GDA: variants seen among roughly 807,000 people sequenced by gnomAD.
GDA encodes guanine deaminase, also known as cytoplasmic PSD-95 interactor.
Under a neutral mutation model 59.6 loss-of-function variants are expected in GDA, and 18 were observed. That is an observed-to-expected ratio of 0.30 (90% CI 0.21 to 0.45). The LOEUF (loss-of-function observed/expected upper bound fraction) is 0.45. Ranked by LOEUF, GDA falls within the 20% of genes least tolerant of loss-of-function variation. The pLI, the probability that GDA is intolerant of heterozygous loss-of-function variation, is 1.00. For synonymous variants in GDA, 201 were observed against 201.1 expected, an observed-to-expected ratio of 1.00 and a Z score of 0.00; for missense variants, 427 against 552.3, an observed-to-expected ratio of 0.77 and a Z score of 2.27.
At chr9:72,148,211 C>CCATTCATT (rs1323121417), upstream of GDA, among the ~76,000 whole-genome samples, 1 of 152,084 alleles carries the variant, frequency 6.6e-6, no homozygotes, top group African/African-American at 2.4e-5. Context: ...GAAAAACCAT[C>CCATTCATT]CATTCATTTA....
intron 1 of GDA, among the ~76,000 whole-genome samples, chr9:72,133,099 G>A (rs1826081157): frequency 6.6e-6 from 1 of 151,548 alleles, no homozygotes; most frequent in South Asian, 2.1e-4. Flanking sequence ...GACCATCCCG[G>A]CCAACATCGT....
chr9:72,149,774 C>G (rs1587348554), intron 1 of GDA, 92 bp downstream of exon 1: 2 of 1,330,828 alleles, frequency 1.5e-6, no homozygotes, highest in Non-Finnish European at 1.0e-6. Flanking sequence ...GGGGTTCGCT[C>G]GGTGCGCAGT....
intron 5 of GDA, among the ~76,000 whole-genome samples, chr9:72,217,845 T>C (rs1836333674): frequency 6.6e-6 from 1 of 152,206 alleles, no homozygotes; most frequent in Admixed American, 6.5e-5. Flanking sequence ...TATTTTAAAA[T>C]GGCATTTCTA....
Position 72,153,010 on chromosome 9 carries a change from G to C in GDA, c.123+3328G>C, listed in dbSNP as rs535294633. Among the ~76,000 whole-genome samples, 288 of 152,204 alleles carry C rather than the reference G, an allele frequency of 1.9e-3. 2 individuals are homozygous for C. Among genetic ancestry groups the C allele is most frequent in the African/African-American group, 6.6e-3 (276 of 41,512 alleles). On this transcript the variant is annotated intron_variant, in intron 1 of 13. Coordinates refer to ENST00000358399, the MANE Select transcript of GDA (RefSeq NM_004293.5). ...ATCCAGTTTCAGCTTTCTACATATG[G>C]CTAGCCAGTTTTCCTAGCACCATTT...
At chr9:72,146,420 C>T (rs1826635202), upstream of GDA, among the ~76,000 whole-genome samples, 1 of 152,102 alleles carries the variant, frequency 6.6e-6, no homozygotes, top group Non-Finnish European at 1.5e-5. Flanking sequence ...CTCCAAACCT[C>T]TGTAGCCAGG....
chr9:72,237,270 C>T (rs1290765456), intron 10 of GDA, among the ~76,000 whole-genome samples: 1 of 152,178 alleles, frequency 6.6e-6, no homozygotes, highest in Non-Finnish European at 1.5e-5. Context: ...GCTTTTTTCT[C>T]CTGTGGGTAT....
chr9:72,187,961 T>C (rs1450403787), intron 1 of GDA, among the ~76,000 whole-genome samples: 1 of 152,134 alleles, frequency 6.6e-6, no homozygotes, highest in African/African-American at 2.4e-5. Flanking sequence ...AAAGGTGGAA[T>C]TTAAAAGTGA....
chr9:72,145,346 A>AG (rs756249229), upstream of GDA, among the ~76,000 whole-genome samples: 19 of 152,332 alleles, frequency 1.2e-4, 1 homozygote, highest in South Asian at 3.9e-3. Context: ...ACAATGTATG[A>AG]GAACAACTGG....
intron 10 of GDA, among the ~76,000 whole-genome samples, chr9:72,236,070 C>CA (rs1325923635): frequency 6.6e-5 from 10 of 152,214 alleles, no homozygotes; most frequent in African/African-American, 2.4e-4. Flanking sequence ...CATGCTTTCT[C>CA]AAAATCCATT....
Position 72,241,174 on chromosome 9 carries a change from T to G in GDA, c.1011T>G (p.Tyr337Ter). Reference sequence around the variant, plus strand: ...CAGACGTGGCTGGTGGCTATTCATATTCCATGCTTGATGCAATCAGAAGAG... The same window carrying G: ...CAGACGTGGCTGGTGGCTATTCATAGTCCATGCTTGATGCAATCAGAAGAG... ...LGTDVAGGYS[Y>*]SMLDAIRRAV... The change falls in exon 11 of 14, where the codon TAT becomes TAG. Residue 337 changes from tyrosine (Y) to a stop codon, truncating the protein, a stop_gained. Coordinates refer to ENST00000358399, the MANE Select transcript of GDA (RefSeq NM_004293.5). LOFTEE classifies it high-confidence loss of function. 6.2e-7 allele frequency: 1 copy of G among 1,604,846 alleles called. No homozygotes were observed. The highest frequency in any genetic ancestry group is 8.5e-7 in the Non-Finnish European group (1 of 1,173,010).
chr9:72,172,730 T>G (rs969321584), intron 1 of GDA, among the ~76,000 whole-genome samples: 1 of 152,240 alleles, frequency 6.6e-6, no homozygotes, highest in African/African-American at 2.4e-5. Context: ...CTTGCCCATC[T>G]TCTCTGCATC....
At chr9:72,164,989 CA>C (rs59456635) in intron 1 of GDA, among the ~76,000 whole-genome samples, 3,422 of 130,712 alleles carry the variant, frequency 0.026, 130 homozygotes, top group African/African-American at 0.085. Context: ...GACTCCATCT[CA>C]AAAAAAAAAA....
chr9:72,125,769 A>C (rs1825825424), intron 1 of GDA, among the ~76,000 whole-genome samples: 1 of 152,042 alleles, frequency 6.6e-6, no homozygotes, highest in Non-Finnish European at 1.5e-5. Flanking sequence ...TGTTTTCTAG[A>C]CCCTGGAAAG....
In GDA at chr9:72,250,115, T is replaced by C; in HGVS notation, c.*1773T>C. Reference sequence around the variant, plus strand: ...CCACGTCAAAGATGCCTTGCCAAATTTCTCCCCATTTCTCTACGGGGCTAG... The same window carrying C: ...CCACGTCAAAGATGCCTTGCCAAATCTCTCCCCATTTCTCTACGGGGCTAG... On this transcript the variant is annotated 3_prime_UTR_variant, in exon 14 of 14. Transcript: ENST00000358399. The C allele has an allele frequency of 1.0e-6, 1 of 985,214 alleles. No homozygotes were observed. The highest frequency in any genetic ancestry group is 1.2e-6 in the Non-Finnish European group (1 of 829,750). The allele number at this position is 985,214 out of a possible 1,614,324, so 61.0% of individuals were successfully genotyped here.
chr9:72,159,161 C>T (rs539573982), intron 1 of GDA, among the ~76,000 whole-genome samples: 3 of 152,098 alleles, frequency 2.0e-5, no homozygotes, highest in South Asian at 2.1e-4. Context: ...AATACAAAAA[C>T]GAGGCAGGCA....
intron 1 of GDA, among the ~76,000 whole-genome samples, chr9:72,122,202 T>C (rs1825685476): frequency 6.6e-6 from 1 of 152,128 alleles, no homozygotes; most frequent in African/African-American, 2.4e-5. Flanking sequence ...CTAATTGACA[T>C]CTGATTTTAC....
chr9:72,140,554 GT>G (rs1826405689), intron 1 of GDA, among the ~76,000 whole-genome samples: 1 of 152,062 alleles, frequency 6.6e-6, no homozygotes, highest in East Asian at 1.9e-4. Context: ...GTTTTAGCTG[GT>G]TTTTGATTGA....
chr9:72,121,845 C>T (rs868567313), intron 1 of GDA, among the ~76,000 whole-genome samples: 4 of 152,172 alleles, frequency 2.6e-5, no homozygotes, highest in African/African-American at 9.6e-5. Context: ...TTGTTTCTAA[C>T]GTCAAAGAAT....
At position 72,248,475 on chromosome 9, in the gene GDA, A is replaced by G. The variant is rs1261803258; in HGVS notation, c.*133A>G. 2.0e-6 allele frequency: 3 copies of G among 1,476,968 alleles called. No homozygotes were observed. The African/African-American group carries it at 4.2e-5, about 21-fold the overall frequency. The allele number at this position is 1,476,968 out of a possible 1,614,324, so 91.5% of individuals were successfully genotyped here. On this transcript the variant is annotated 3_prime_UTR_variant, in exon 14 of 14. Coordinates refer to ENST00000358399, the MANE Select transcript of GDA (RefSeq NM_004293.5). The stretch of plus-strand genomic sequence containing the variant: ...ACTATCCCTTTCTGTGTCTAGTTAC[A>G]GTATTCACTTGACAAATAGTTCGAA...
Sources: allele counts gnomAD v4.1 joint callset (sites outside exome capture counted in the v4.1 genomes callset), GRCh38; gene constraint gnomAD v4.1.1; transcripts MANE v1.5; gene names NCBI Gene and HGNC (gene_info 2026-07-23, HGNC 2026-07-21).